Variants in SNTG1 observed in about 807,000 individuals in gnomAD.
The protein encoded by SNTG1 is gamma-1-syntrophin.
A neutral mutation model predicts 74.7 loss-of-function variants in SNTG1; 39 were observed. The ratio of observed to expected loss-of-function variants is 0.52; its 90% confidence interval spans 0.40 to 0.68. The LOEUF (loss-of-function observed/expected upper bound fraction) is 0.68. Ranked by LOEUF, SNTG1 falls within the 30% of genes least tolerant of loss-of-function variation. The pLI, the probability that SNTG1 is intolerant of heterozygous loss-of-function variation, is 0.00. For missense variants in SNTG1, 685 were observed against 609.5 expected, an observed-to-expected ratio of 1.12 and a Z score of -1.30; for synonymous variants, 254 against 217.1, an observed-to-expected ratio of 1.17 and a Z score of -1.49.
At chr8:50,310,165 G>T (rs4242459) in intron 2 of SNTG1, among the ~76,000 whole-genome samples, 1 of 152,106 alleles carries the variant, frequency 6.6e-6, no homozygotes, top group African/African-American at 2.4e-5. Flanking sequence ...TTACCTACTC[G>T]AACCATGTGG....
At chr8:50,391,331 C>G (rs544481618) in intron 2 of SNTG1, among the ~76,000 whole-genome samples, 1 of 152,136 alleles carries the variant, frequency 6.6e-6, no homozygotes, top group Admixed American at 6.5e-5. Flanking sequence ...GAGATAATCA[C>G]GTGGCTTTTG....
chr8:50,242,540 A>C (rs1206233040), intron 2 of SNTG1, among the ~76,000 whole-genome samples: 1 of 122,286 alleles, frequency 8.2e-6, no homozygotes, highest in Admixed American at 9.1e-5. Flanking sequence ...AAAAAAAAAA[A>C]AAAAACACAC....
intron 1 of SNTG1, among the ~76,000 whole-genome samples, chr8:49,983,682 C>A (rs1226397706): frequency 6.6e-6 from 1 of 152,214 alleles, no homozygotes; most frequent in Non-Finnish European, 1.5e-5. Flanking sequence ...GTCACAGCAA[C>A]CAACAGAGGC....
At chr8:50,051,548 G>GT (rs1819576941) in intron 1 of SNTG1, among the ~76,000 whole-genome samples, 1 of 152,124 alleles carries the variant, frequency 6.6e-6, no homozygotes, top group African/African-American at 2.4e-5. Context: ...TCACAGTTGT[G>GT]TAAGTTTGAA....
chr8:50,098,651 G>A (rs1304176440), intron 1 of SNTG1, among the ~76,000 whole-genome samples: 2 of 152,130 alleles, frequency 1.3e-5, no homozygotes, highest in East Asian at 3.9e-4. Flanking sequence ...AGTGGAGAAA[G>A]CATGGGTTTA....
At chr8:50,595,375 C>T (rs931062625) in intron 13 of SNTG1, among the ~76,000 whole-genome samples, 3 of 151,892 alleles carry the variant, frequency 2.0e-5, no homozygotes, top group Non-Finnish European at 2.9e-5. Flanking sequence ...CATTTGATAA[C>T]AAACATGATG....
In SNTG1 at chr8:50,768,629, C is replaced by T. The variant is rs888814044; in HGVS notation, c.1395+16518C>T. Among the ~76,000 whole-genome samples the T allele has an allele frequency of 2.0e-5, 3 of 152,044 alleles. No homozygotes were observed. The South Asian group carries it at 6.2e-4, about 31-fold the overall frequency. On this transcript the variant is annotated intron_variant, in intron 18 of 18. Transcript: ENST00000642720. ...ATCTGGCTTTTCACAATTTGTGACT[C>T]TATCTGGTATCTGAAACCAAAGGTT...
chr8:50,353,565 C>T (rs1167929539), intron 2 of SNTG1, among the ~76,000 whole-genome samples: 1 of 152,020 alleles, frequency 6.6e-6, no homozygotes, highest in Non-Finnish European at 1.5e-5. Context: ...GTCAATATTC[C>T]ACTTTTATGA....
At chr8:50,086,928 G>A (rs371786229) in intron 1 of SNTG1, among the ~76,000 whole-genome samples, 1 of 152,098 alleles carries the variant, frequency 6.6e-6, no homozygotes, top group South Asian at 2.1e-4. Context: ...CATTGGAAAC[G>A]GACATTGTTT....
At chr8:50,213,341 C>A (rs572578570) in intron 2 of SNTG1, among the ~76,000 whole-genome samples, 1 of 151,870 alleles carries the variant, frequency 6.6e-6, no homozygotes, top group East Asian at 1.9e-4. Context: ...AAAAGCAAAC[C>A]CAAAAGGAAT....
intron 1 of SNTG1, among the ~76,000 whole-genome samples, chr8:50,142,829 TG>T: frequency 6.6e-6 from 1 of 152,146 alleles, no homozygotes; most frequent in East Asian, 1.9e-4. Context: ...CCCAACACTT[TG>T]GGAGGCCAAG....
At chr8:50,177,695 C>G (rs1228993098) in intron 2 of SNTG1, among the ~76,000 whole-genome samples, 1 of 152,198 alleles carries the variant, frequency 6.6e-6, no homozygotes, top group African/African-American at 2.4e-5. Context: ...TACACAGCCC[C>G]ACACTTAATT....
chr8:50,748,638 T>C (rs1170405509), intron 17 of SNTG1, among the ~76,000 whole-genome samples: 2 of 152,038 alleles, frequency 1.3e-5, no homozygotes, highest in Non-Finnish European at 2.9e-5. Flanking sequence ...TCAGCTGTTT[T>C]TCCAACAGCG....
chr8:50,184,360 T>C lies in SNTG1; in HGVS notation c.-28+11725T>C, dbSNP rs188690261. 2.3e-3 allele frequency among the ~76,000 whole-genome samples: 345 copies of C among 152,186 alleles called. 2 individuals carry two copies. The highest frequency in any genetic ancestry group is 8.0e-3 in the African/African-American group (333 of 41,512). ...TTTGTATTTTTAGTAGAGACAGGGT[T>C]TCACCATGTTGGTCAGGCTGGTCTC... On this transcript the variant is annotated intron_variant, in intron 2 of 18. Coordinates refer to ENST00000642720, the MANE Select transcript of SNTG1 (RefSeq NM_018967.5).
chr8:50,392,262 T>A (rs1369392002), intron 2 of SNTG1, among the ~76,000 whole-genome samples: 1 of 152,190 alleles, frequency 6.6e-6, no homozygotes, highest in Non-Finnish European at 1.5e-5. Context: ...TTGGCTTTGA[T>A]TGTGATTTAT....
chr8:50,261,736 C>A (rs1661122046), intron 2 of SNTG1, among the ~76,000 whole-genome samples: 7 of 151,696 alleles, frequency 4.6e-5, no homozygotes, highest in Admixed American at 4.6e-4. Flanking sequence ...ATGTAAATTG[C>A]AAATTCTAGA....
intron 1 of SNTG1, chr8:50,163,774 A>C (rs1483669059): frequency 1.3e-5 from 2 of 151,970 alleles, no homozygotes. Flanking sequence ...GAGCCACCAC[A>C]CTCGGCCCAT....
chr8:50,685,864 C>T (rs1360331300), intron 15 of SNTG1, among the ~76,000 whole-genome samples: 1 of 152,026 alleles, frequency 6.6e-6, no homozygotes, highest in Non-Finnish European at 1.5e-5. Flanking sequence ...ATACTGTTAG[C>T]TAATTGTGTT....
Position 50,438,532 on chromosome 8 carries a change from C to T in SNTG1, c.163-11C>T, listed in dbSNP as rs773827733. On this transcript the variant is annotated splice_polypyrimidine_tract_variant and intron_variant, in intron 4 of 18. Transcript: ENST00000642720. Reference sequence around the variant, plus strand: ...GAAACACTAACCATTCTTAAAAATCCTGTCTTTCAGGAAAGAACGGTGACC... The same window carrying T: ...GAAACACTAACCATTCTTAAAAATCTTGTCTTTCAGGAAAGAACGGTGACC... 3.7e-6 allele frequency: 6 copies of T among 1,612,002 alleles called. No individual in the cohort carries two copies. The highest frequency in any genetic ancestry group is 1.1e-5 in the South Asian group (1 of 91,016).
Sources: gnomAD v4.1 joint callset for allele counts (sites outside exome capture counted in the v4.1 genomes callset) on GRCh38, gnomAD v4.1.1 for gene constraint, MANE v1.5 for transcripts, NCBI Gene and HGNC (gene_info 2026-07-23, HGNC 2026-07-21) for gene names.